FLI1: variants seen among roughly 807,000 people sequenced by gnomAD.
The protein encoded by FLI1 is Friend leukemia integration 1 transcription factor.
FLI1 carries 13 observed loss-of-function variants against 53.1 expected under a neutral mutation model. That is an observed-to-expected ratio of 0.24 (90% CI 0.16 to 0.39). The LOEUF is 0.39. Among genes scored for constraint, FLI1 ranks in the 10% least tolerant of loss-of-function variants. The probability of loss-of-function intolerance (pLI) is 1.00; values close to 1 mark genes in which losing one functional copy is unlikely to be tolerated. For synonymous variants in FLI1, 244 were observed against 236.7 expected (o/e 1.03, Z -0.28); for missense variants, 424 against 600.5 (o/e 0.71, Z 3.07).
At chr11:128,766,150 G>C (rs563927868) in intron 2 of FLI1, among the ~76,000 whole-genome samples, 30 of 152,336 alleles carry the variant, frequency 2.0e-4, no homozygotes, top group African/African-American at 6.0e-4. Flanking sequence ...CGGGTGAGGG[G>C]ACCCAGTGCA....
chr11:128,722,191 T>A (rs1189136054), intron 1 of FLI1, among the ~76,000 whole-genome samples: 1 of 152,230 alleles, frequency 6.6e-6, no homozygotes, highest in African/African-American at 2.4e-5. Flanking sequence ...CATATGACAT[T>A]TGACACACGA....
intron 5 of FLI1, among the ~76,000 whole-genome samples, chr11:128,793,538 G>T (rs899187736): frequency 1.3e-5 from 2 of 152,130 alleles, no homozygotes; most frequent in African/African-American, 4.8e-5. Context: ...GAGAAGAAAG[G>T]CACCTTCCTG....
chr11:128,742,038 T>G (rs1940162798), intron 1 of FLI1, among the ~76,000 whole-genome samples: 3 of 152,008 alleles, frequency 2.0e-5, no homozygotes, highest in Admixed American at 2.0e-4. Context: ...CTACCATATT[T>G]AATTCAGACT....
At chr11:128,737,391 A>G (rs1939954854) in intron 1 of FLI1, among the ~76,000 whole-genome samples, 1 of 152,174 alleles carries the variant, frequency 6.6e-6, no homozygotes, top group Non-Finnish European at 1.5e-5. Context: ...CTCCCATCAC[A>G]GCCCCCACCA....
intron 1 of FLI1, among the ~76,000 whole-genome samples, chr11:128,746,941 C>T (rs1319273456): frequency 6.6e-6 from 1 of 152,312 alleles, no homozygotes; most frequent in Middle Eastern, 3.4e-3. Context: ...AAGCAGCTGT[C>T]CATGAAGGGA....
chr11:128,804,895 C>G (rs2135914274), intron 5 of FLI1: 1 of 152,624 alleles, frequency 6.6e-6, no homozygotes, highest in South Asian at 2.1e-4. Context: ...GATTTTGCTA[C>G]AGAACTATGG....
At chr11:128,726,474 T>A (rs76833948) in intron 1 of FLI1, among the ~76,000 whole-genome samples, 9,358 of 152,076 alleles carry the variant, frequency 0.062, 415 homozygotes, top group East Asian at 0.23. Flanking sequence ...AGATGAAGAC[T>A]GGAGAAGGAG....
intron 5 of FLI1, among the ~76,000 whole-genome samples, chr11:128,799,667 C>A (rs1267168819): frequency 2.6e-5 from 4 of 152,200 alleles, no homozygotes; most frequent in African/African-American, 9.6e-5. Context: ...ACATCCTAAG[C>A]CCTGCATCTA....
chr11:128,796,098 C>CG (rs1942436494), intron 5 of FLI1, among the ~76,000 whole-genome samples: 1 of 152,158 alleles, frequency 6.6e-6, no homozygotes, highest in African/African-American at 2.4e-5. Context: ...TCTGACCCCC[C>CG]AGCCCAGAGT....
At chr11:128,752,892 C>T (rs189419210) in intron 1 of FLI1, among the ~76,000 whole-genome samples, 33 of 152,228 alleles carry the variant, frequency 2.2e-4, no homozygotes, top group African/African-American at 7.9e-4. Flanking sequence ...AAAAAGTATC[C>T]CACCGGTTCA....
chr11:128,768,329 C>T lies in FLI1; in HGVS notation c.385+57C>T, dbSNP rs373420568. On this transcript the variant is annotated intron_variant, in intron 3 of 8. Coordinates refer to ENST00000527786, the MANE Select transcript of FLI1 (RefSeq NM_002017.5). ...TTCACTTCCCCACTCTCTGGGGGGG[C>T]AGGGAGCATCTAAACCTTTATCTGA... The T allele has an allele frequency of 1.9e-5, 29 of 1,512,622 alleles. No individual in the cohort carries two copies. In the East Asian group the frequency reaches 3.9e-4, roughly 20 times the overall value. The allele number at this position is 1,512,622 out of a possible 1,614,324, so 93.7% of individuals were successfully genotyped here. A position where few individuals can be genotyped will look rare whatever the true frequency, so the allele number is the denominator to read the frequency against.
intron 1 of FLI1, among the ~76,000 whole-genome samples, chr11:128,734,819 G>A (rs974577294): frequency 6.6e-6 from 1 of 152,166 alleles, no homozygotes; most frequent in Non-Finnish European, 1.5e-5. Context: ...GGTAAATAAC[G>A]AACAGATAAA....
intron 1 of FLI1, among the ~76,000 whole-genome samples, chr11:128,731,667 T>C (rs1437602005): frequency 2.0e-5 from 3 of 152,204 alleles, no homozygotes; most frequent in African/African-American, 7.2e-5. Context: ...GAAACGGTCA[T>C]CGTGATTTGA....
chr11:128,778,590 A>G (rs1269661375), intron 4 of FLI1, among the ~76,000 whole-genome samples: 1 of 152,198 alleles, frequency 6.6e-6, no homozygotes, highest in Non-Finnish European at 1.5e-5. Flanking sequence ...TGTAAAAAGG[A>G]ATAAGGGAAT....
intron 5 of FLI1, among the ~76,000 whole-genome samples, chr11:128,795,926 T>C (rs1442895940): frequency 6.6e-6 from 1 of 152,212 alleles, no homozygotes. Flanking sequence ...CTATTTGCTT[T>C]TCCAAACTCT....
intron 1 of FLI1, among the ~76,000 whole-genome samples, chr11:128,739,731 A>G (rs772800788): frequency 4.6e-4 from 67 of 146,826 alleles, no homozygotes; most frequent in Non-Finnish European, 9.2e-4. Flanking sequence ...TTTTACTTCG[A>G]AAAAAAAATG....
chr11:128,726,064 A>C (rs551766806), intron 1 of FLI1, among the ~76,000 whole-genome samples: 1 of 152,176 alleles, frequency 6.6e-6, no homozygotes, highest in African/African-American at 2.4e-5. Flanking sequence ...CCCAGATGCA[A>C]ATCAGACCAG....
intron 1 of FLI1, among the ~76,000 whole-genome samples, chr11:128,687,509 G>A (rs1937601383): frequency 6.6e-6 from 1 of 152,080 alleles, no homozygotes; most frequent in Admixed American, 6.5e-5. Flanking sequence ...AGCGGAGGAG[G>A]AAGGACTCTC....
chr11:128,781,375 A>G (rs1941911996), intron 4 of FLI1, among the ~76,000 whole-genome samples: 2 of 152,242 alleles, frequency 1.3e-5, no homozygotes, highest in South Asian at 4.1e-4. Flanking sequence ...GGCCATGGCA[A>G]AGTACAAGCT....
Sources: gnomAD v4.1 joint callset for allele counts (sites outside exome capture counted in the v4.1 genomes callset) on GRCh38, gnomAD v4.1.1 for gene constraint, MANE v1.5 for transcripts, NCBI Gene and HGNC (gene_info 2026-07-23, HGNC 2026-07-21) for gene names.